KIF2A: variants seen among roughly 807,000 people sequenced by gnomAD.
KIF2A encodes the protein kinesin family member 2A.
Under a neutral mutation model 100.2 loss-of-function variants are expected in KIF2A, and 22 were observed. That is an observed-to-expected ratio of 0.22 (90% confidence interval 0.16 to 0.31). The LOEUF (loss-of-function observed/expected upper bound fraction) is 0.31, where lower values mean the gene tolerates loss of function less well. KIF2A is among the 10% of genes least tolerant of loss of function. The probability of loss-of-function intolerance (pLI) is 1.00; values close to 1 mark genes in which losing one functional copy is unlikely to be tolerated. For synonymous variants in KIF2A, 268 were observed against 285.9 expected, an observed-to-expected ratio of 0.94 and a Z score of 0.63; for missense variants, 495 against 898.7, an observed-to-expected ratio of 0.55 and a Z score of 5.74.
intron 1 of KIF2A, chr5:62,306,810 T>G: frequency 2.3e-6 from 1 of 437,568 alleles, no homozygotes; most frequent in Non-Finnish European, 4.1e-6. Context: ...CGGGGGTCTC[T>G]GGGCGAGGGC....
chr5:62,356,173 A>T (rs932908775), intron 7 of KIF2A, among the ~76,000 whole-genome samples: 2 of 152,236 alleles, frequency 1.3e-5, no homozygotes, highest in Non-Finnish European at 2.9e-5. Context: ...TGTGTTAGTT[A>T]CAAAAAAGAC....
chr5:62,366,165 C>A (rs1045133970), intron 15 of KIF2A, among the ~76,000 whole-genome samples: 2 of 151,734 alleles, frequency 1.3e-5, no homozygotes, highest in Non-Finnish European at 2.9e-5. Context: ...CTATTCCCTT[C>A]CAGGTATTAA....
chr5:62,324,349 A>G (rs1221178865), intron 1 of KIF2A, among the ~76,000 whole-genome samples: 1 of 152,270 alleles, frequency 6.6e-6, no homozygotes, highest in Non-Finnish European at 1.5e-5. Context: ...TCACAGAATT[A>G]GGAAAATCTA....
rs138617452 is a variant in KIF2A at position 62,383,502 on chromosome 5, G to A, written c.2150-1982G>A. 3.3e-3 allele frequency among the ~76,000 whole-genome samples: 474 copies of A among 145,586 alleles called. 4 individuals are homozygous for A. Among genetic ancestry groups the A allele is most frequent in the African/African-American group, 0.011 (450 of 39,454 alleles). Reference sequence around the variant, plus strand: ...TTGTGATCCGCCCATCTCGGCCTCCGAAAGTGCTGGGATTACAGGCATGAG... The same window carrying A: ...TTGTGATCCGCCCATCTCGGCCTCCAAAAGTGCTGGGATTACAGGCATGAG... On this transcript the variant is annotated intron_variant, in intron 20 of 20. Coordinates refer to ENST00000407818, the MANE Select transcript of KIF2A (RefSeq NM_001098511.3).
At chr5:62,323,798 G>A (rs1200098520) in intron 1 of KIF2A, among the ~76,000 whole-genome samples, 1 of 151,914 alleles carries the variant, frequency 6.6e-6, no homozygotes, top group Non-Finnish European at 1.5e-5. Flanking sequence ...ATCACTTTGG[G>A]AGATCGAGGT....
At chr5:62,350,226 A>T in intron 4 of KIF2A, 106 bp downstream of exon 4, 1 of 659,494 alleles carries the variant, frequency 1.5e-6, no homozygotes, top group Non-Finnish European at 2.5e-6. Context: ...ATTTATTTAA[A>T]TTTTACCTGG....
At chr5:62,335,979 C>G (rs1273292774) in intron 1 of KIF2A, among the ~76,000 whole-genome samples, 1 of 152,010 alleles carries the variant, frequency 6.6e-6, no homozygotes, top group African/African-American at 2.4e-5. Flanking sequence ...CAAATCTGAC[C>G]TCATTTTCTA....
intron 1 of KIF2A, among the ~76,000 whole-genome samples, chr5:62,331,761 C>T (rs1415457879): frequency 1.6e-4 from 5 of 30,838 alleles, no homozygotes; most frequent in South Asian, 1.1e-3. Flanking sequence ...GAAATAGAAA[C>T]GAAAAAAAAA....
In KIF2A at chr5:62,352,612, C is replaced by A; in HGVS notation, c.359C>A (p.Pro120His). The change falls in exon 5 of 21, where the codon CCC (proline) becomes CAC (histidine). Residue 120 changes from proline (P) to histidine (H), a missense_variant. Physicochemically the swap from Pro to His is moderately conservative, Grantham distance 77 (BLOSUM62 -2). This residue lies in a region of KIF2A where 115 missense variants were observed against 143.6 expected (regional missense o/e 0.80). Coordinates refer to ENST00000407818, the MANE Select transcript of KIF2A (RefSeq NM_001098511.3). ...GTGGTTGGTTCAGCACGTGCACGGC[C>A]CAGTCAATTTCCTGAACAGTCTTCC... is the stretch of plus-strand genomic sequence containing the variant. Reference protein sequence around the residue: ...NRVVGSARARPSQFPEQSSSA... With the variant: ...NRVVGSARARHSQFPEQSSSA... 1 of 1,592,094 alleles carries A rather than the reference C, an allele frequency of 6.3e-7. No individual in the cohort carries two copies. The highest frequency in any genetic ancestry group is 8.6e-7 in the Non-Finnish European group (1 of 1,168,184).
chr5:62,353,254 C>T (rs1747945580), intron 5 of KIF2A, 21 bp from the exon 6 acceptor site: 4 of 1,379,788 alleles, frequency 2.9e-6, no homozygotes, highest in Non-Finnish European at 3.9e-6. Flanking sequence ...TATACTTCTA[C>T]AGCTCATCTT....
intron 1 of KIF2A, among the ~76,000 whole-genome samples, chr5:62,334,606 A>C (rs553481146): frequency 1.4e-5 from 2 of 140,606 alleles, no homozygotes; most frequent in African/African-American, 5.4e-5. Context: ...CTCAACCTCT[A>C]CTCCTGGGGC....
At chr5:62,327,410 A>T (rs895838894) in intron 1 of KIF2A, among the ~76,000 whole-genome samples, 8 of 152,140 alleles carry the variant, frequency 5.3e-5, no homozygotes, top group South Asian at 2.1e-4. Flanking sequence ...AATATCTAAG[A>T]TCTGCCCTTC....
intron 11 of KIF2A, 131 bp downstream of exon 11, chr5:62,361,660 G>T (rs1748415814): frequency 1.8e-6 from 1 of 541,976 alleles, no homozygotes; most frequent in Non-Finnish European, 3.2e-6. Flanking sequence ...TCAATTATAG[G>T]TTATTAGATT....
At chr5:62,329,778 AATT>A (rs1746545135) in intron 1 of KIF2A, among the ~76,000 whole-genome samples, 1 of 152,324 alleles carries the variant, frequency 6.6e-6, no homozygotes, top group Admixed American at 6.5e-5. Context: ...GTTATGATAA[AATT>A]ATAATATAGA....
chr5:62,366,115 TA>T (rs1172468494), intron 15 of KIF2A, among the ~76,000 whole-genome samples: 60 of 145,510 alleles, frequency 4.1e-4, no homozygotes, highest in Non-Finnish European at 3.3e-4. Flanking sequence ...AAAAGCTGTT[TA>T]AAAAAAAAAA....
intron 4 of KIF2A, among the ~76,000 whole-genome samples, chr5:62,350,410 T>A (rs185060870): frequency 1.0e-3 from 158 of 152,160 alleles, no homozygotes; most frequent in African/African-American, 3.5e-3. Context: ...CACATGTAGC[T>A]GGGACCACAG....
At position 62,381,046 on chromosome 5, in the gene KIF2A, T is replaced by C. The variant is rs904581292; in HGVS notation, c.2014-72T>C. ...ACTATCTTAAGTATGTTTGATTATA[T>C]TTAACAGAATTGTAATTTGGTTTCT... On this transcript the variant is annotated intron_variant, in intron 19 of 20. Coordinates refer to ENST00000407818, the MANE Select transcript of KIF2A (RefSeq NM_001098511.3). 52 of 1,115,054 alleles carry C rather than the reference T, an allele frequency of 4.7e-5. No homozygotes were observed. In the African/African-American group the frequency reaches 7.4e-4, roughly 16 times the overall value. The allele number at this position is 1,115,054 out of a possible 1,614,324, so 69.1% of individuals were successfully genotyped here. A position where few individuals can be genotyped will look rare whatever the true frequency, so the allele number is the denominator to read the frequency against.
In KIF2A at chr5:62,386,691, C is replaced by T. The variant is rs1026818575; in HGVS notation, c.*1122C>T. Reference sequence around the variant, plus strand: ...ACTTTGCCTTAAAAGGCAGATCTAACCCAAGCTCCATCCAGTACCAAATGT... The same window carrying T: ...ACTTTGCCTTAAAAGGCAGATCTAATCCAAGCTCCATCCAGTACCAAATGT... On this transcript the variant is annotated 3_prime_UTR_variant, in exon 21 of 21. Coordinates refer to ENST00000407818, the MANE Select transcript of KIF2A (RefSeq NM_001098511.3). Among the ~76,000 whole-genome samples the T allele has an allele frequency of 6.6e-5, 10 of 152,196 alleles. No individual in the cohort carries two copies. The highest frequency in any genetic ancestry group is 2.4e-4 in the African/African-American group (10 of 41,452).
intron 1 of KIF2A, among the ~76,000 whole-genome samples, chr5:62,316,184 C>G (rs949884486): frequency 2.0e-5 from 3 of 152,162 alleles, no homozygotes; most frequent in Admixed American, 1.3e-4. Flanking sequence ...ACATGTTTAC[C>G]TGCAATGGGA....
Sources: allele counts gnomAD v4.1 joint callset (sites outside exome capture counted in the v4.1 genomes callset), GRCh38; gene constraint gnomAD v4.1.1; regional missense constraint gnomAD v4.1.1; transcripts MANE v1.5; gene names NCBI Gene and HGNC (gene_info 2026-07-23, HGNC 2026-07-21).